Variants in TLR10 observed in about 807,000 individuals in gnomAD.
TLR10 encodes toll-like receptor 10.
For synonymous variants in TLR10, 288 were observed against 338.8 expected (o/e 0.85, Z 1.65); for missense variants, 929 against 932.9 (o/e 1.00, Z 0.05).
intron 1 of TLR10, among the ~76,000 whole-genome samples, chr4:38,780,696 A>G (rs1388344029): frequency 1.3e-5 from 2 of 152,230 alleles, no homozygotes; most frequent in African/African-American, 4.8e-5. Context: ...GAACTCAGTA[A>G]TCAAGATAAT....
intron 1 of TLR10, among the ~76,000 whole-genome samples, chr4:38,777,348 A>G (rs1725119041): frequency 6.6e-6 from 1 of 152,146 alleles, no homozygotes. Context: ...TGCTTGGAAA[A>G]TGTGAGGAAG....
chr4:38,774,978 C>G lies in TLR10; in HGVS notation c.613G>C (p.Val205Leu), dbSNP rs773237449. Residue 205 changes from valine to leucine, a missense_variant, in exon 4 of 4, where the codon GTT becomes CTT. Coordinates refer to ENST00000308973, the MANE Select transcript of TLR10 (RefSeq NM_030956.4). ...GTCTTGATTCCATCACGCAAAAGAA[C>G]CCAGAAATTTGTGTCCATTGGTAAA... The part of the protein sequence containing the change: ...IVLPMDTNFW[V>L]LLRDGIKTSK... 1.2e-6 allele frequency: 2 copies of G among 1,613,340 alleles called. No individual in the cohort carries two copies. The highest frequency in any genetic ancestry group is 1.7e-6 in the Non-Finnish European group (2 of 1,179,808).
rs773022238 is a variant in TLR10, at chr4:38,775,405, T to G, written c.186A>C (p.Gln62His). ...TLDLSYNLLFQLQSSDFHSVS... is the reference protein window; with the variant it reads ...TLDLSYNLLFHLQSSDFHSVS... ...CAGAATGAAAATCTGAACTCTGGAG[T>G]TGAAAAAGGAGGTTATAGGATAAAT... Residue 62 changes from glutamine to histidine, a missense_variant, in exon 4 of 4, where the codon CAA becomes CAC. Transcript: ENST00000308973. 5 of 1,613,746 alleles carry G rather than the reference T, an allele frequency of 3.1e-6. No individual in the cohort carries two copies. Among genetic ancestry groups the G allele is most frequent in the Non-Finnish European group, 4.2e-6 (5 of 1,179,966 alleles).
At chr4:38,775,675 A>T in intron 3 of TLR10, 23 bp from the exon 4 acceptor site, 1 of 1,296,778 alleles carries the variant, frequency 7.7e-7, no homozygotes, top group Non-Finnish European at 1.0e-6. Flanking sequence ...ATATAATATT[A>T]GATTTTTATT....
chr4:38,774,523 G>T lies in TLR10; in HGVS notation c.1068C>A (p.Ala356=). The T allele has an allele frequency of 1.3e-6, 2 of 1,583,228 alleles. No homozygotes were observed. The highest frequency in any genetic ancestry group is 1.9e-5 in the Admixed American group (1 of 52,152). The stretch of plus-strand genomic sequence containing the variant: ...ACAACTCGTCTGTTAAGATATTATT[G>T]GCAAAATTTAAATATTGGAATTTCG... ...YPTKFQYLNF[A]NNILTDELFK... is the part of the protein sequence containing the mutation. Residue 356 remains alanine, a synonymous_variant, in exon 4 of 4, where the codon GCC becomes GCA. Coordinates refer to ENST00000308973, the MANE Select transcript of TLR10 (RefSeq NM_030956.4).
At chr4:38,778,533 G>C (rs1285208841) in intron 1 of TLR10, among the ~76,000 whole-genome samples, 1 of 152,154 alleles carries the variant, frequency 6.6e-6, no homozygotes, top group Non-Finnish European at 1.5e-5. Context: ...AAGACTCCTT[G>C]GGACACTATA....
At chr4:38,777,873 TTGTGG>T (rs746974986) in intron 1 of TLR10, among the ~76,000 whole-genome samples, 30 of 152,252 alleles carry the variant, frequency 2.0e-4, no homozygotes, top group Non-Finnish European at 3.8e-4. Flanking sequence ...AGCTCAACAA[TTGTGG>T]AAGACAATGT....
At position 38,776,321 on chromosome 4, in the gene TLR10, A is replaced by AAC; in HGVS notation, c.-464_-463insGT. 5.5e-6 allele frequency: 1 copy of AAC among 182,368 alleles called. No homozygotes were observed. The highest frequency in any genetic ancestry group is 1.2e-5 in the Non-Finnish European group (1 of 84,438). The allele number at this position is 182,368 out of a possible 1,614,324, so 11.3% of individuals were successfully genotyped here. ...TAAAAGAAAGATCTAAATGTCTGAA[A>AAC]CCTGCCAGTGAATACCAAGCCACAA... On this transcript the variant is annotated 5_prime_UTR_variant, in exon 2 of 4. Coordinates refer to ENST00000308973, the MANE Select transcript of TLR10 (RefSeq NM_030956.4).
chr4:38,777,284 A>G (rs1725114211), intron 1 of TLR10, among the ~76,000 whole-genome samples: 2 of 152,214 alleles, frequency 1.3e-5, no homozygotes, highest in Non-Finnish European at 2.9e-5. Flanking sequence ...TGTCTGGGGA[A>G]AGAGTATTTT....
chr4:38,773,689 G>A lies in TLR10; in HGVS notation c.1902C>T (p.Phe634=). ...GTTCACTGTATGAAATAAATGCGTG[G>A]AATCGGACATTTCTCTTGAGTTGTT... is the stretch of plus-strand genomic sequence containing the variant. ...TQEQLKRNVR[F]HAFISYSEHD... Residue 634 remains phenylalanine (F), a synonymous_variant, in exon 4 of 4, where the codon TTC becomes TTT. Coordinates refer to ENST00000308973, the MANE Select transcript of TLR10 (RefSeq NM_030956.4). 1.2e-6 allele frequency: 2 copies of A among 1,613,436 alleles called. No individual in the cohort carries two copies. Among genetic ancestry groups the A allele is most frequent in the Non-Finnish European group, 1.7e-6 (2 of 1,179,778 alleles).
At chr4:38,781,537 G>A (rs540460511) in intron 1 of TLR10, among the ~76,000 whole-genome samples, 46 of 152,248 alleles carry the variant, frequency 3.0e-4, no homozygotes, top group African/African-American at 1.0e-3. Context: ...GTTTCACCAT[G>A]TTGGTGATGT....
At position 38,773,368 on chromosome 4, in the gene TLR10, C is replaced by A. The variant is rs1314271211; in HGVS notation, c.2223G>T (p.Arg741Ser). 3.1e-6 allele frequency: 5 copies of A among 1,613,892 alleles called. No homozygotes were observed. Among genetic ancestry groups the A allele is most frequent in the Non-Finnish European group, 4.2e-6 (5 of 1,179,962 alleles). Residue 741 changes from arginine to serine, a missense_variant, in exon 4 of 4, where the codon AGG (arginine) becomes AGT (serine). Physicochemically the swap from Arg to Ser is moderately radical, Grantham distance 110. Coordinates refer to ENST00000308973, the MANE Select transcript of TLR10 (RefSeq NM_030956.4). ...EPIPFYCIPT[R>S]YHKLKALLEK... is the part of the protein sequence containing the mutation. ...CCAGGAGAGCTTTCAGTTTATGATA[C>A]CTGGTGGGAATGCAATAGAATGGAA...
At position 38,773,374 on chromosome 4, in the gene TLR10, G is replaced by A. The variant is rs1388087217; in HGVS notation, c.2217C>T (p.Pro739=). 1 of 1,613,998 alleles carries A rather than the reference G, an allele frequency of 6.2e-7. No homozygotes were observed. The highest frequency in any genetic ancestry group is 2.2e-5 in the East Asian group (1 of 44,868). Residue 739 remains proline, a synonymous_variant, in exon 4 of 4, where the codon CCC becomes CCT. Coordinates refer to ENST00000308973, the MANE Select transcript of TLR10 (RefSeq NM_030956.4). ...LLEPIPFYCI[P]TRYHKLKALL... ...GAGCTTTCAGTTTATGATACCTGGT[G>A]GGAATGCAATAGAATGGAATGGGTT...
rs1052423276 is a variant in TLR10 at position 38,773,531 on chromosome 4, T to C, written c.2060A>G (p.Glu687Gly). 1.2e-6 allele frequency: 2 copies of C among 1,611,310 alleles called. No homozygotes were observed. Among genetic ancestry groups the C allele is most frequent in the Non-Finnish European group, 1.7e-6 (2 of 1,178,870 alleles). Residue 687 changes from glutamate (E) to glycine (G), a missense_variant, in exon 4 of 4, where the codon GAG (glutamate) becomes GGG (glycine). Glu to Gly is a moderately conservative substitution (Grantham distance 98). Transcript: ENST00000308973. ...AACAAAGATGGACTTATAGCTTTTC[T>C]CAATGAAGCTTACAATATTTTCACT... Reference protein sequence around the residue: ...SISENIVSFIEKSYKSIFVLS... With the variant: ...SISENIVSFIGKSYKSIFVLS...
Position 38,775,912 on chromosome 4 carries a change from C to G in TLR10, c.-200G>C, listed in dbSNP as rs975595355. 8 of 206,062 alleles carry G rather than the reference C, an allele frequency of 3.9e-5. No individual in the cohort carries two copies. Among genetic ancestry groups the G allele is most frequent in the Non-Finnish European group, 6.8e-5 (7 of 103,196 alleles). 12.8% of individuals were successfully genotyped at this position (206,062 alleles called of 1,614,324 possible). On this transcript the variant is annotated 5_prime_UTR_variant, in exon 3 of 4. Transcript: ENST00000308973. ...GCATAATGGACCTTTGGTTTAAGAA[C>G]TGCATTGTCAGGCCAGACTCAATAC...
At chr4:38,780,205 A>G (rs773621702) in intron 1 of TLR10, among the ~76,000 whole-genome samples, 1 of 151,926 alleles carries the variant, frequency 6.6e-6, no homozygotes, top group Non-Finnish European at 1.5e-5. Context: ...GATCAAGACC[A>G]TCCTGGCTAA....
chr4:38,782,845 T>C (rs571204398), intron 1 of TLR10, 76 bp downstream of exon 1: 112 of 152,308 alleles, frequency 7.4e-4, no homozygotes, highest in African/African-American at 2.5e-3. Flanking sequence ...TCAAATTATC[T>C]CCTTTTTAGA....
At position 38,774,734 on chromosome 4, in the gene TLR10, T is replaced by A; in HGVS notation, c.857A>T (p.Tyr286Phe). The change falls in exon 4 of 4, where the codon TAT (tyrosine) becomes TTT (phenylalanine). Residue 286 changes from tyrosine (Y) to phenylalanine (F), a missense_variant. Coordinates refer to ENST00000308973, the MANE Select transcript of TLR10 (RefSeq NM_030956.4). ...IRNVTFGGKA[Y>F]LDHNSFDYSN... is the part of the protein sequence containing the mutation. ...GTAGTCAAATGAATTGTGGTCAAGA[T>A]AAGCCTTACCACCAAAAGTCACATT... 1 of 1,596,840 alleles carries A rather than the reference T, an allele frequency of 6.3e-7. No individual in the cohort carries two copies. The highest frequency in any genetic ancestry group is 8.5e-7 in the Non-Finnish European group (1 of 1,174,246).
Position 38,775,608 on chromosome 4 carries a change from TA to T in TLR10, c.-19del. 1 of 1,573,980 alleles carries T rather than the reference TA, an allele frequency of 6.4e-7. No homozygotes were observed. Among genetic ancestry groups the T allele is most frequent in the Non-Finnish European group, 8.6e-7 (1 of 1,160,596 alleles). On this transcript the variant is annotated 5_prime_UTR_variant, in exon 4 of 4. Transcript: ENST00000308973. ...AGTCTCATTGTATTTCCAAGGATTT[TA>T]CCACTTATTTCCTCATATGAATGAT...
Sources: gnomAD v4.1 joint callset for allele counts (sites outside exome capture counted in the v4.1 genomes callset) on GRCh38, gnomAD v4.1.1 for gene constraint, MANE v1.5 for transcripts, NCBI Gene and HGNC (gene_info 2026-07-23, HGNC 2026-07-21) for gene names.